Variants in GNG2 observed in about 807,000 individuals in gnomAD.
The protein encoded by GNG2 is G protein subunit gamma 2, also known as guanine nucleotide-binding protein G(I)/G(S)/G(O) subunit gamma-2.
GNG2 carries 5 observed loss-of-function variants against 5.5 expected under a neutral mutation model. The observed-to-expected ratio is 0.91, with a 90% confidence interval of 0.48 to 1.92. The LOEUF (loss-of-function observed/expected upper bound fraction) is 1.92, where lower values mean the gene tolerates loss of function less well. Among genes scored for constraint, GNG2 ranks in the 30% most tolerant of loss-of-function variants. GNG2 has a pLI of 0.01. For synonymous variants in GNG2, 28 were observed against 32.0 expected, an observed-to-expected ratio of 0.88 and a Z score of 0.42; for missense variants, 55 against 88.4, an observed-to-expected ratio of 0.62 and a Z score of 1.52.
chr14:51,960,246 A>G (rs1430308498), intron 3 of GNG2, among the ~76,000 whole-genome samples: 2 of 150,856 alleles, frequency 1.3e-5, no homozygotes, highest in Admixed American at 6.6e-5. Flanking sequence ...CAAGTTCACT[A>G]ATCTTTCTTC....
chr14:51,871,100 A>G (rs1202784954), intron 1 of GNG2, among the ~76,000 whole-genome samples: 1 of 152,182 alleles, frequency 6.6e-6, no homozygotes, highest in African/African-American at 2.4e-5. Context: ...ATTTAAACCG[A>G]AACCCTCACT....
upstream of GNG2, among the ~76,000 whole-genome samples, chr14:51,859,011 A>C (rs1882294114): frequency 2.0e-5 from 3 of 152,224 alleles, no homozygotes; most frequent in South Asian, 6.2e-4. Context: ...CTTCTAGGTT[A>C]ACGTGCTGTG....
intron 2 of GNG2, among the ~76,000 whole-genome samples, chr14:51,942,595 T>TCTCTCTTTCTTTCTTTCTTTCTTTC (rs1413000965): frequency 8.0e-6 from 1 of 125,382 alleles, no homozygotes; most frequent in African/African-American, 3.1e-5. Context: ...CTTTCTTTTT[T>TCTCTCTTTCTTTCTTTCTTTCTTTC]TTTTTTTTTT....
Position 51,947,124 on chromosome 14 carries a change from C to G in GNG2, c.-29-3526C>G, listed in dbSNP as rs188560584. 1.2e-4 allele frequency among the ~76,000 whole-genome samples: 18 copies of G among 152,252 alleles called. No homozygotes were observed. The East Asian group carries it at 2.9e-3, about 24-fold the overall frequency. ...TGTTTTCCCCTCCTGCATTTCTAGACTACTGCCCCATGCCTCTTCTTTCCC... is the reference window on the plus strand; with the variant it reads ...TGTTTTCCCCTCCTGCATTTCTAGAGTACTGCCCCATGCCTCTTCTTTCCC... On this transcript the variant is annotated intron_variant, in intron 2 of 3. Coordinates refer to ENST00000556766, the MANE Select transcript of GNG2 (RefSeq NM_053064.5).
intron 2 of GNG2, among the ~76,000 whole-genome samples, chr14:51,931,797 A>C (rs1319019133): frequency 6.6e-6 from 1 of 152,204 alleles, no homozygotes; most frequent in African/African-American, 2.4e-5. Context: ...AAAAGTTAAA[A>C]ATAGAACATA....
At chr14:51,936,193 G>A (rs1887993495) in intron 2 of GNG2, among the ~76,000 whole-genome samples, 1 of 152,120 alleles carries the variant, frequency 6.6e-6, no homozygotes, top group African/African-American at 2.4e-5. Flanking sequence ...TTAAATCAGT[G>A]GTTATAAAAG....
intron 2 of GNG2, chr14:51,917,591 A>C (rs1886726655): frequency 3.0e-6 from 1 of 331,582 alleles, no homozygotes; most frequent in Non-Finnish European, 5.9e-6. Flanking sequence ...AGGATTAATC[A>C]AGGGAGATGT....
intron 3 of GNG2, among the ~76,000 whole-genome samples, chr14:51,951,051 T>C (rs1888947474): frequency 6.6e-6 from 1 of 152,048 alleles, no homozygotes. Context: ...ACACATAAAA[T>C]ATATCAGCGC....
chr14:51,915,336 A>T (rs1886553342), intron 2 of GNG2, among the ~76,000 whole-genome samples: 1 of 152,198 alleles, frequency 6.6e-6, no homozygotes, highest in Admixed American at 6.5e-5. Context: ...TATGAGGGAG[A>T]GGATGCATTT....
In GNG2 at chr14:51,966,231, A is replaced by AAAAAAAAAAAAAAAAAAG. The variant is rs61013183; in HGVS notation, c.88-322_88-321insAAAAAAAAAAAGAAAAAA. Among the ~76,000 whole-genome samples the AAAAAAAAAAAAAAAAAAG allele has an allele frequency of 1.5e-4, 16 of 108,498 alleles. 1 individual carries two copies. Among genetic ancestry groups the AAAAAAAAAAAAAAAAAAG allele is most frequent in the Non-Finnish European group, 2.2e-4 (11 of 50,208 alleles). 71.2% of individuals were successfully genotyped at this position (108,498 alleles called of 152,430 possible). A position where few individuals can be genotyped will look rare whatever the true frequency, so the allele number is the denominator to read the frequency against. ...TCTCAAAAAAAAAAAAAAAAAAAAAAAAAAAACAAATGAAGGAGACAGCCA... is the reference window on the plus strand; with the variant it reads ...TCTCAAAAAAAAAAAAAAAAAAAAAAAAAAAAAAAAAAAAAAAGAAAAAACAAATGAAGGAGACAGCCA... On this transcript the variant is annotated intron_variant, in intron 3 of 3. Coordinates refer to ENST00000556766, the MANE Select transcript of GNG2 (RefSeq NM_053064.5).
chr14:51,827,849 GA>G, intron 2 of GNG2: 1 of 645,270 alleles, frequency 1.5e-6, no homozygotes, highest in Non-Finnish European at 2.8e-6. Flanking sequence ...CTGCAAAGAG[GA>G]AAACGTTGAA....
At chr14:51,869,801 C>T (rs1291511944) in intron 1 of GNG2, among the ~76,000 whole-genome samples, 1 of 152,212 alleles carries the variant, frequency 6.6e-6, no homozygotes, top group Non-Finnish European at 1.5e-5. Context: ...GCCTGAGCTA[C>T]CTTGCCCTGC....
intron 2 of GNG2, among the ~76,000 whole-genome samples, chr14:51,882,398 T>C (rs1884140726): frequency 1.3e-5 from 2 of 152,206 alleles, no homozygotes; most frequent in African/African-American, 4.8e-5. Context: ...CATGTTAAAT[T>C]TCTACACCAA....
chr14:51,908,101 G>A (rs1389462032), intron 2 of GNG2, among the ~76,000 whole-genome samples: 1 of 152,202 alleles, frequency 6.6e-6, no homozygotes, highest in African/African-American at 2.4e-5. Flanking sequence ...TGCAGTTAAG[G>A]TATTAGCCAG....
At chr14:51,906,755 C>CTTTTTTTTT (rs1885945288) in intron 2 of GNG2, among the ~76,000 whole-genome samples, 1 of 45,308 alleles carries the variant, frequency 2.2e-5, no homozygotes, top group African/African-American at 7.1e-5. Flanking sequence ...GCTGGAGAAT[C>CTTTTTTTTT]TCTTTTTTTT....
intron 2 of GNG2, among the ~76,000 whole-genome samples, chr14:51,929,133 G>A (rs1380920767): frequency 6.6e-6 from 1 of 152,146 alleles, no homozygotes; most frequent in East Asian, 1.9e-4. Flanking sequence ...CTCTCTAATG[G>A]TAAAGTATTA....
chr14:51,944,577 T>A (rs1888532913), intron 2 of GNG2, among the ~76,000 whole-genome samples: 3 of 152,148 alleles, frequency 2.0e-5, no homozygotes. Context: ...TTTCAACAAA[T>A]CATGATGGAA....
rs1889942762 is a variant in GNG2, at chr14:51,966,743, T to C, written c.*56T>C. The C allele has an allele frequency of 1.3e-6, 2 of 1,491,056 alleles. No individual in the cohort carries two copies. The highest frequency in any genetic ancestry group is 1.9e-6 in the Non-Finnish European group (2 of 1,069,324). The allele number at this position is 1,491,056 out of a possible 1,614,324, so 92.4% of individuals were successfully genotyped here. A position where few individuals can be genotyped will look rare whatever the true frequency, so the allele number is the denominator to read the frequency against. On this transcript the variant is annotated 3_prime_UTR_variant, in exon 4 of 4. Transcript: ENST00000556766. ...GCTCCTGGGACATTGATGTAGAGTT[T>C]TTAGTGAAGTGGGCACCTTTCTAGT...
intron 2 of GNG2, among the ~76,000 whole-genome samples, chr14:51,849,065 A>G (rs948842426): frequency 1.3e-5 from 2 of 152,194 alleles, no homozygotes; most frequent in African/African-American, 2.4e-5. Flanking sequence ...GGAGCAGCTT[A>G]TCTTAACATT....
Sources: allele counts gnomAD v4.1 joint callset (sites outside exome capture counted in the v4.1 genomes callset), GRCh38; gene constraint gnomAD v4.1.1; transcripts MANE v1.5; gene names NCBI Gene and HGNC (gene_info 2026-07-23, HGNC 2026-07-21).